ZNF385D: variants seen among roughly 807,000 people sequenced by gnomAD.
ZNF385D encodes zinc finger protein 659.
A neutral mutation model predicts 35.8 loss-of-function variants in ZNF385D; 15 were observed. That is an observed-to-expected ratio of 0.42 (90% CI 0.28 to 0.64). The LOEUF (loss-of-function observed/expected upper bound fraction) is 0.64. ZNF385D is among the 30% of genes least tolerant of loss of function. The pLI is 0.23. For missense variants in ZNF385D, 474 were observed against 494.6 expected, an observed-to-expected ratio of 0.96 and a Z score of 0.39; for synonymous variants, 212 against 186.8, an observed-to-expected ratio of 1.13 and a Z score of -1.10.
chr3:21,762,726 G>A (rs769643313), intron 3 of ZNF385D, among the ~76,000 whole-genome samples: 4 of 152,146 alleles, frequency 2.6e-5, no homozygotes, highest in Non-Finnish European at 5.9e-5. Flanking sequence ...TCAACCCCTA[G>A]AGGTATCATC....
intron 3 of ZNF385D, among the ~76,000 whole-genome samples, chr3:21,866,853 G>C (rs575618949): frequency 3.8e-4 from 58 of 152,234 alleles, no homozygotes; most frequent in African/African-American, 1.4e-3. Flanking sequence ...GGCCTGCCTA[G>C]GGCCCACATC....
intron 5 of ZNF385D, 66 bp from the exon 6 acceptor site, chr3:21,425,736 G>A: frequency 2.1e-6 from 3 of 1,422,628 alleles, no homozygotes; most frequent in Middle Eastern, 1.9e-4. Flanking sequence ...AGAAGGAGGT[G>A]GGATGGGAGG....
intron 1 of ZNF385D, among the ~76,000 whole-genome samples, chr3:21,694,279 C>T (rs761077898): frequency 4.6e-5 from 7 of 151,974 alleles, no homozygotes; most frequent in Non-Finnish European, 8.8e-5. Flanking sequence ...TCATGATCCA[C>T]CCACCTTGGC....
At chr3:22,072,287 C>T (rs1170717022) in intron 3 of ZNF385D, among the ~76,000 whole-genome samples, 2 of 152,018 alleles carry the variant, frequency 1.3e-5, no homozygotes, top group Admixed American at 6.6e-5. Context: ...ACAACAGATG[C>T]TGTGACCTTA....
intron 3 of ZNF385D, among the ~76,000 whole-genome samples, chr3:21,550,217 C>G (rs552683716): frequency 6.6e-6 from 1 of 151,964 alleles, no homozygotes; most frequent in African/African-American, 2.4e-5. Context: ...TTTGTTTTTC[C>G]CACAGCTAAA....
At chr3:21,947,008 A>C (rs1211514847) in intron 3 of ZNF385D, among the ~76,000 whole-genome samples, 1 of 151,082 alleles carries the variant, frequency 6.6e-6, no homozygotes, top group Non-Finnish European at 1.5e-5. Flanking sequence ...CTAAAAAAAA[A>C]CATCAGTTTG....
intron 1 of ZNF385D, among the ~76,000 whole-genome samples, chr3:21,723,149 A>T (rs1230199582): frequency 6.6e-6 from 1 of 152,224 alleles, no homozygotes; most frequent in African/African-American, 2.4e-5. Flanking sequence ...TCCAAAGGTC[A>T]CCAACATCAA....
intron 1 of ZNF385D, among the ~76,000 whole-genome samples, chr3:21,735,554 T>A (rs147789708): frequency 6.6e-6 from 1 of 152,288 alleles, no homozygotes; most frequent in East Asian, 1.9e-4. Flanking sequence ...ACAAAATGCC[T>A]ACACAGTCAC....
chr3:21,932,908 C>T (rs1422669525), intron 3 of ZNF385D, among the ~76,000 whole-genome samples: 2 of 152,114 alleles, frequency 1.3e-5, no homozygotes, highest in Non-Finnish European at 2.9e-5. Flanking sequence ...TTACCTGGGC[C>T]TATCTTGAAG....
intron 3 of ZNF385D, among the ~76,000 whole-genome samples, chr3:21,944,068 T>G (rs1575974910): frequency 6.6e-6 from 1 of 152,228 alleles, no homozygotes; most frequent in South Asian, 2.1e-4. Flanking sequence ...CATTTATTTA[T>G]ATTTTCAGCT....
intron 3 of ZNF385D, among the ~76,000 whole-genome samples, chr3:21,763,015 G>C (rs2070686938): frequency 1.3e-5 from 2 of 152,066 alleles, no homozygotes; most frequent in African/African-American, 4.8e-5. Context: ...TCATTGAGTA[G>C]GTACTCAACA....
At chr3:22,305,313 G>C (rs1366677360) in intron 2 of ZNF385D, among the ~76,000 whole-genome samples, 1 of 151,874 alleles carries the variant, frequency 6.6e-6, no homozygotes, top group African/African-American at 2.4e-5. Flanking sequence ...GTAGCTTCTA[G>C]GTTTTTTAAA....
At chr3:21,783,929 G>A (rs950928499) in intron 3 of ZNF385D, among the ~76,000 whole-genome samples, 3 of 152,112 alleles carry the variant, frequency 2.0e-5, no homozygotes, top group African/African-American at 4.8e-5. Flanking sequence ...TAAAAATACA[G>A]TATGTAAGCA....
At chr3:22,183,591 C>A (rs1221992779) in intron 2 of ZNF385D, among the ~76,000 whole-genome samples, 1 of 152,010 alleles carries the variant, frequency 6.6e-6, no homozygotes, top group South Asian at 2.1e-4. Flanking sequence ...CTCCTGACCT[C>A]GTGATTCACC....
chr3:21,976,963 G>A (rs1259501504), intron 3 of ZNF385D, among the ~76,000 whole-genome samples: 1 of 152,116 alleles, frequency 6.6e-6, no homozygotes, highest in Non-Finnish European at 1.5e-5. Context: ...ACGTCAGCCT[G>A]GGCCACAGAG....
At position 21,416,528 on chromosome 3, in the gene ZNF385D, A is replaced by G. The variant is rs1700563918; in HGVS notation, c.*4686T>C. 1 of 152,048 alleles carries G rather than the reference A, an allele frequency of 6.6e-6. No individual in the cohort carries two copies. Among genetic ancestry groups the G allele is most frequent in the African/African-American group, 2.4e-5 (1 of 41,410 alleles). The allele number at this position is 152,048 out of a possible 1,614,324, so 9.4% of individuals were successfully genotyped here. A position where few individuals can be genotyped will look rare whatever the true frequency, so the allele number is the denominator to read the frequency against. On this transcript the variant is annotated 3_prime_UTR_variant, in exon 8 of 8. Coordinates refer to ENST00000281523, the MANE Select transcript of ZNF385D (RefSeq NM_024697.3). ...AATACCATGTAGGCAATGGAGACCT[A>G]CCATTAGAAATGATCCATTTCACTT...
chr3:22,086,349 G>A (rs1701041582), intron 3 of ZNF385D, among the ~76,000 whole-genome samples: 1 of 152,172 alleles, frequency 6.6e-6, no homozygotes, highest in Non-Finnish European at 1.5e-5. Context: ...AGCAACTTCA[G>A]CAAAGTCTCA....
chr3:21,522,495 A>T (rs1707969615), intron 3 of ZNF385D, among the ~76,000 whole-genome samples: 1 of 152,074 alleles, frequency 6.6e-6, no homozygotes, highest in Non-Finnish European at 1.5e-5. Flanking sequence ...ATCTGCCACC[A>T]CACCCAGCTA....
At chr3:21,726,485 G>A (rs1030957610) in intron 1 of ZNF385D, among the ~76,000 whole-genome samples, 1 of 152,094 alleles carries the variant, frequency 6.6e-6, no homozygotes, top group Non-Finnish European at 1.5e-5. Flanking sequence ...CAAAATCTCA[G>A]GATACAAAAT....
Sources: gnomAD v4.1 joint callset for allele counts (sites outside exome capture counted in the v4.1 genomes callset) on GRCh38, gnomAD v4.1.1 for gene constraint, MANE v1.5 for transcripts, NCBI Gene and HGNC (gene_info 2026-07-23, HGNC 2026-07-21) for gene names.